NRG1: variants seen among roughly 807,000 people sequenced by gnomAD.
NRG1 encodes the protein pro-neuregulin-1, membrane-bound isoform.
In NRG1, 18 loss-of-function variants were observed where a neutral mutation model predicts 63.8. The ratio of observed to expected loss-of-function variants is 0.28; its 90% CI spans 0.19 to 0.42. The LOEUF is 0.42. Ranked by LOEUF, NRG1 falls within the 10% of genes least tolerant of loss-of-function variation. NRG1 has a pLI of 1.00. For missense variants in NRG1, 762 were observed against 814.7 expected, an observed-to-expected ratio of 0.94 and a Z score of 0.79; for synonymous variants, 302 against 301.3, an observed-to-expected ratio of 1.00 and a Z score of -0.02.
intron 1 of NRG1, among the ~76,000 whole-genome samples, chr8:31,866,407 T>A (rs549903104): frequency 6.6e-6 from 1 of 152,314 alleles, no homozygotes; most frequent in East Asian, 1.9e-4. Context: ...AAGCAGTTTT[T>A]AAACGATAAT....
chr8:32,260,572 A>G (rs1009902072), intron 1 of NRG1, among the ~76,000 whole-genome samples: 1 of 152,150 alleles, frequency 6.6e-6, no homozygotes, highest in African/African-American at 2.4e-5. Context: ...TTCTTAAGTT[A>G]ATTTGCATTG....
chr8:32,023,975 A>C (rs1816848178), intron 1 of NRG1, among the ~76,000 whole-genome samples: 1 of 152,158 alleles, frequency 6.6e-6, no homozygotes, highest in South Asian at 2.1e-4. Context: ...AGTAACTCCT[A>C]GCAGGAGGCA....
chr8:32,621,539 A>G (rs975482645), intron 5 of NRG1, among the ~76,000 whole-genome samples: 10 of 152,216 alleles, frequency 6.6e-5, no homozygotes, highest in Admixed American at 6.5e-4. Flanking sequence ...TGTTATACCA[A>G]CCACTTTGCT....
intron 1 of NRG1, among the ~76,000 whole-genome samples, chr8:32,463,645 C>A (rs1382414760): frequency 1.3e-5 from 2 of 151,890 alleles, no homozygotes; most frequent in South Asian, 2.1e-4. Flanking sequence ...AGTTCGAGAC[C>A]AGCCAGGGCA....
intron 1 of NRG1, among the ~76,000 whole-genome samples, chr8:32,448,757 GT>G (rs768762695): frequency 6.6e-6 from 1 of 152,242 alleles, no homozygotes; most frequent in Non-Finnish European, 1.5e-5. Flanking sequence ...GCCCCCAGGG[GT>G]CCCCCCTGCC....
At chr8:31,936,408 TTTCC>T (rs1835306085) in intron 1 of NRG1, among the ~76,000 whole-genome samples, 1 of 152,200 alleles carries the variant, frequency 6.6e-6, no homozygotes, top group African/African-American at 2.4e-5. Flanking sequence ...CCATTTTATA[TTTCC>T]TTGTGTAAGC....
intron 1 of NRG1, among the ~76,000 whole-genome samples, chr8:31,854,132 G>C (rs983535524): frequency 7.2e-5 from 11 of 151,852 alleles, no homozygotes; most frequent in Admixed American, 1.3e-4. Flanking sequence ...CTCATAAAAT[G>C]AGTTAGAGAG....
intron 1 of NRG1, among the ~76,000 whole-genome samples, chr8:32,438,721 G>A (rs1250925059): frequency 6.6e-6 from 1 of 151,992 alleles, no homozygotes; most frequent in Non-Finnish European, 1.5e-5. Context: ...TTTTATTTTA[G>A]CCATTATGAT....
intron 1 of NRG1, among the ~76,000 whole-genome samples, chr8:32,246,826 G>A (rs1848632650): frequency 6.6e-6 from 1 of 152,010 alleles, no homozygotes; most frequent in Admixed American, 6.6e-5. Flanking sequence ...GAGGGAATGG[G>A]GAGGTGATGG....
chr8:31,689,202 C>A (rs1404914514), intron 1 of NRG1, among the ~76,000 whole-genome samples: 3 of 152,016 alleles, frequency 2.0e-5, no homozygotes, highest in Non-Finnish European at 4.4e-5. Flanking sequence ...CCTTTCTTAC[C>A]ACTTGCCATG....
At chr8:32,672,288 C>A (rs200127530) in intron 5 of NRG1, among the ~76,000 whole-genome samples, 2 of 152,154 alleles carry the variant, frequency 1.3e-5, no homozygotes, top group African/African-American at 4.8e-5. Flanking sequence ...TTGTGATCCA[C>A]CCTCCTTGGC....
chr8:32,402,094 G>T (rs1216529391), intron 1 of NRG1, among the ~76,000 whole-genome samples: 1 of 152,122 alleles, frequency 6.6e-6, no homozygotes, highest in Non-Finnish European at 1.5e-5. Flanking sequence ...GTATTTTTTA[G>T]TACAGATGGG....
chr8:31,728,728 A>G (rs1813710107), intron 1 of NRG1, among the ~76,000 whole-genome samples: 1 of 152,198 alleles, frequency 6.6e-6, no homozygotes, highest in African/African-American at 2.4e-5. Flanking sequence ...AAGGTTGCTC[A>G]CCAAGTTATC....
At chr8:31,711,266 C>G (rs1811714722) in intron 1 of NRG1, among the ~76,000 whole-genome samples, 1 of 152,188 alleles carries the variant, frequency 6.6e-6, no homozygotes, top group Non-Finnish European at 1.5e-5. Flanking sequence ...TGAAGACCAC[C>G]TACTACTGTC....
At chr8:32,731,581 A>G (rs1039818104) in intron 6 of NRG1, among the ~76,000 whole-genome samples, 2 of 152,220 alleles carry the variant, frequency 1.3e-5, no homozygotes, top group African/African-American at 4.8e-5. Flanking sequence ...ATTGGAGAGT[A>G]TATTTTACAT....
At chr8:32,151,091 A>G (rs994320390) in intron 1 of NRG1, among the ~76,000 whole-genome samples, 2 of 152,198 alleles carry the variant, frequency 1.3e-5, no homozygotes, top group African/African-American at 2.4e-5. Context: ...AATGGAATGT[A>G]TATCAATATG....
chr8:32,368,151 T>G (rs893696768), intron 1 of NRG1, among the ~76,000 whole-genome samples: 3 of 152,220 alleles, frequency 2.0e-5, no homozygotes, highest in African/African-American at 7.2e-5. Flanking sequence ...TGAGCTATTT[T>G]TAAAAAATAC....
intron 1 of NRG1, among the ~76,000 whole-genome samples, chr8:31,964,295 C>T (rs1395537513): frequency 2.0e-5 from 3 of 152,188 alleles, no homozygotes; most frequent in Non-Finnish European, 4.4e-5. Flanking sequence ...AAGATACAAG[C>T]AAGTGCTGTC....
Position 31,999,116 on chromosome 8 carries a change from G to A in NRG1, c.37+359685G>A, listed in dbSNP as rs185678192. Among the ~76,000 whole-genome samples the A allele has an allele frequency of 1.7e-3, 257 of 151,308 alleles. 1 individual carries two copies. The highest frequency in any genetic ancestry group is 2.2e-3 in the Non-Finnish European group (151 of 67,798). ...CTTTGCTGAAATGCACTGACCTTCT[G>A]TAAAAATTAACACTGGAAGTATTTT... On this transcript the variant is annotated intron_variant, in intron 1 of 10. Transcript: ENST00000519301.
Sources: gnomAD v4.1 joint callset for allele counts (sites outside exome capture counted in the v4.1 genomes callset) on GRCh38, gnomAD v4.1.1 for gene constraint, MANE v1.5 for transcripts, NCBI Gene and HGNC (gene_info 2026-07-23, HGNC 2026-07-21) for gene names.